ANK3: variants seen among roughly 807,000 people sequenced by gnomAD.
The protein encoded by ANK3 is ankyrin 3.
A neutral mutation model predicts 370.9 loss-of-function variants in ANK3; 57 were observed. That is an observed-to-expected ratio of 0.15 (90% confidence interval 0.12 to 0.19). ANK3 has a LOEUF of 0.19. Among genes scored for constraint, ANK3 ranks in the 10% least tolerant of loss-of-function variants. ANK3 has a pLI of 1.00. For synonymous variants in ANK3, 1,929 were observed against 1,946.3 expected, an observed-to-expected ratio of 0.99 and a Z score of 0.23; for missense variants, 4,439 against 5,302.1, an observed-to-expected ratio of 0.84 and a Z score of 5.06.
intron 24 of ANK3, 179 bp downstream of exon 24, chr10:60,138,785 C>G (rs2094453240): frequency 1.3e-6 from 1 of 774,368 alleles, no homozygotes; most frequent in Admixed American, 3.1e-5. Context: ...AAATTAACAA[C>G]CGCAAACCAC....
chr10:60,652,404 A>C (rs1007393464), intron 1 of ANK3, among the ~76,000 whole-genome samples: 3 of 152,240 alleles, frequency 2.0e-5, no homozygotes, highest in South Asian at 2.1e-4. Flanking sequence ...CCTGTCTCAA[A>C]AACAACAACG....
rs188580047 is a variant in ANK3, at chr10:60,309,420, T to C, written c.115-29781A>G. Among the ~76,000 whole-genome samples the C allele has an allele frequency of 3.2e-4, 49 of 152,372 alleles. 1 individual carries two copies. The highest frequency in any genetic ancestry group is 1.1e-3 in the African/African-American group (44 of 41,590). Reference sequence around the variant, plus strand: ...TCCACTGAATGATAATATTCTTAGCTAGATGAACTTGACTATGTTCATTTC... The same window carrying C: ...TCCACTGAATGATAATATTCTTAGCCAGATGAACTTGACTATGTTCATTTC... On this transcript the variant is annotated intron_variant, in intron 1 of 43. Coordinates refer to ENST00000280772, the MANE Select transcript of ANK3 (RefSeq NM_020987.5).
intron 1 of ANK3, among the ~76,000 whole-genome samples, chr10:60,287,768 A>T (rs1460944808): frequency 6.6e-6 from 1 of 152,132 alleles, no homozygotes; most frequent in African/African-American, 2.4e-5. Context: ...CCTCAACACC[A>T]GGGGTTTTCC....
At chr10:60,229,052 C>T (rs1380272658) in intron 8 of ANK3, among the ~76,000 whole-genome samples, 1 of 152,140 alleles carries the variant, frequency 6.6e-6, no homozygotes, top group Non-Finnish European at 1.5e-5. Flanking sequence ...ATGCTCCCTC[C>T]ATGTTCTCAG....
At chr10:60,368,250 C>T (rs930790761) in intron 1 of ANK3, among the ~76,000 whole-genome samples, 2 of 152,036 alleles carry the variant, frequency 1.3e-5, no homozygotes, top group African/African-American at 4.8e-5. Context: ...CACACACACA[C>T]ACTTTCCAAG....
At chr10:60,350,522 C>T (rs954525402) in intron 1 of ANK3, among the ~76,000 whole-genome samples, 1 of 152,134 alleles carries the variant, frequency 6.6e-6, no homozygotes, top group Non-Finnish European at 1.5e-5. Context: ...GTAATGAAGC[C>T]AGTCCCTTAG....
chr10:60,074,726 T>C lies in ANK3; in HGVS notation c.6155A>G (p.Lys2052Arg). Residue 2052 changes from lysine to arginine, a missense_variant, in exon 37 of 44, where the codon AAG becomes AGG. Coordinates refer to ENST00000280772, the MANE Select transcript of ANK3 (RefSeq NM_020987.5). ...ACCATCCTTCTTTGCATCCTCAAACTTGTATTTTAAGTTTGTCAGTGAACT... is the reference window on the plus strand; with the variant it reads ...ACCATCCTTCTTTGCATCCTCAAACCTGTATTTTAAGTTTGTCAGTGAACT... The part of the protein sequence containing the change: ...GSSSLTNLKY[K>R]FEDAKKDGEE... The C allele has an allele frequency of 1.2e-6, 2 of 1,613,778 alleles. No homozygotes were observed. Among genetic ancestry groups the C allele is most frequent in the South Asian group, 1.1e-5 (1 of 90,888 alleles).
chr10:60,509,740 T>G (rs2076033189), intron 2 of ANK3, among the ~76,000 whole-genome samples: 1 of 152,152 alleles, frequency 6.6e-6, no homozygotes, highest in South Asian at 2.1e-4. Flanking sequence ...TAACAATCAG[T>G]CTTTGGTAGA....
chr10:60,441,883 G>A (rs1322743387), intron 2 of ANK3, among the ~76,000 whole-genome samples: 1 of 151,672 alleles, frequency 6.6e-6, no homozygotes, highest in African/African-American at 2.4e-5. Flanking sequence ...TTTCCCCATG[G>A]TCTGCAGCCA....
At chr10:60,637,328 C>T (rs2078568319) in intron 1 of ANK3, among the ~76,000 whole-genome samples, 1 of 152,124 alleles carries the variant, frequency 6.6e-6, no homozygotes, top group South Asian at 2.1e-4. Context: ...TTGATTCTTC[C>T]TGGCAATGGA....
At chr10:60,326,976 T>C (rs1423742032) in intron 1 of ANK3, among the ~76,000 whole-genome samples, 3 of 149,940 alleles carry the variant, frequency 2.0e-5, no homozygotes, top group Admixed American at 6.6e-5. Context: ...GCGGAAATGG[T>C]GCCACTGCAC....
intron 23 of ANK3, among the ~76,000 whole-genome samples, chr10:60,150,630 A>G (rs900106784): frequency 6.6e-6 from 1 of 152,020 alleles, no homozygotes; most frequent in Non-Finnish European, 1.5e-5. Flanking sequence ...TGTTGTAGTG[A>G]GTAAGTACTC....
intron 25 of ANK3, among the ~76,000 whole-genome samples, chr10:60,121,548 C>G (rs1434978821): frequency 6.6e-6 from 1 of 151,660 alleles, no homozygotes; most frequent in African/African-American, 2.4e-5. Context: ...AAAAAAGAGC[C>G]AAGCGTGGTG....
chr10:60,217,455 G>A (rs1034581219), intron 8 of ANK3, among the ~76,000 whole-genome samples: 7 of 152,036 alleles, frequency 4.6e-5, no homozygotes, highest in Admixed American at 1.3e-4. Flanking sequence ...CTGGTACATC[G>A]TCTCTCTGTT....
intron 25 of ANK3, among the ~76,000 whole-genome samples, chr10:60,133,668 C>T (rs2094203217): frequency 6.6e-6 from 1 of 152,164 alleles, no homozygotes; most frequent in Non-Finnish European, 1.5e-5. Context: ...CACACCTGTT[C>T]CCAGCACTTT....
At chr10:60,257,851 T>C (rs906048850) in intron 7 of ANK3, among the ~76,000 whole-genome samples, 8 of 152,182 alleles carry the variant, frequency 5.3e-5, no homozygotes, top group Non-Finnish European at 2.9e-5. Flanking sequence ...AAACAGAAAG[T>C]GCTAAATGGC....
chr10:60,271,421 G>A (rs2097981706), intron 4 of ANK3, among the ~76,000 whole-genome samples: 1 of 151,882 alleles, frequency 6.6e-6, no homozygotes, highest in Non-Finnish European at 1.5e-5. Context: ...CACCCAGCAT[G>A]GGCTTGAACT....
At chr10:60,364,456 C>T (rs1298026115) in intron 1 of ANK3, among the ~76,000 whole-genome samples, 1 of 151,886 alleles carries the variant, frequency 6.6e-6, no homozygotes, top group Non-Finnish European at 1.5e-5. Flanking sequence ...GAAAACCAAA[C>T]ACCGCATGTT....
intron 1 of ANK3, among the ~76,000 whole-genome samples, chr10:60,658,835 G>T (rs911622311): frequency 6.6e-6 from 1 of 151,722 alleles, no homozygotes; most frequent in African/African-American, 2.4e-5. Context: ...GGAAGGGTAG[G>T]GAGGGAAGGA....
Sources: gnomAD v4.1 joint callset for allele counts (sites outside exome capture counted in the v4.1 genomes callset) on GRCh38, gnomAD v4.1.1 for gene constraint, MANE v1.5 for transcripts, NCBI Gene and HGNC (gene_info 2026-07-23, HGNC 2026-07-21) for gene names.